Variants in CUBN observed in about 807,000 individuals in gnomAD.
The protein encoded by CUBN is cubilin, also known as 460 kDa receptor.
A neutral mutation model predicts 405.3 loss-of-function variants in CUBN; 282 were observed. That is an observed-to-expected ratio of 0.70 (90% CI 0.63 to 0.77). The LOEUF (loss-of-function observed/expected upper bound fraction) is 0.77, where lower values mean the gene tolerates loss of function less well. Ranked by LOEUF, CUBN falls within the 30% of genes least tolerant of loss-of-function variation. CUBN has a pLI of 0.00. For missense variants in CUBN, 4,514 were observed against 4,475.2 expected, an observed-to-expected ratio of 1.01 and a Z score of -0.25; for synonymous variants, 1,684 against 1,617.0, an observed-to-expected ratio of 1.04 and a Z score of -0.99.
chr10:17,013,141 A>T (rs1051858900), intron 28 of CUBN, among the ~76,000 whole-genome samples: 4 of 152,134 alleles, frequency 2.6e-5, no homozygotes, highest in Admixed American at 6.5e-5. Context: ...AATAGGGTAC[A>T]CTGTTTTTTC....
At chr10:16,987,031 G>A (rs748407887) in intron 29 of CUBN, among the ~76,000 whole-genome samples, 41 of 152,280 alleles carry the variant, frequency 2.7e-4, no homozygotes, top group Non-Finnish European at 4.0e-4. Context: ...TTGCAAGGCT[G>A]AGCTCACAAA....
chr10:16,848,514 T>G (rs1424756709), intron 60 of CUBN, among the ~76,000 whole-genome samples: 2 of 152,022 alleles, frequency 1.3e-5, no homozygotes, highest in Non-Finnish European at 2.9e-5. Flanking sequence ...AAAGAAAAAT[T>G]GACGAAATGA....
chr10:16,987,641 C>T (rs1185120730), intron 29 of CUBN, among the ~76,000 whole-genome samples: 1 of 152,178 alleles, frequency 6.6e-6, no homozygotes, highest in Non-Finnish European at 1.5e-5. Flanking sequence ...ACTACACTCA[C>T]ATGCAGGCTG....
At chr10:16,854,467 C>T (rs1839812304) in intron 59 of CUBN, among the ~76,000 whole-genome samples, 1 of 152,048 alleles carries the variant, frequency 6.6e-6, no homozygotes, top group African/African-American at 2.4e-5. Context: ...CAAGTCTGAT[C>T]TAAAAATTGA....
At chr10:17,111,291 G>A (rs1484061142) in intron 8 of CUBN, among the ~76,000 whole-genome samples, 1 of 152,114 alleles carries the variant, frequency 6.6e-6, no homozygotes, top group Non-Finnish European at 1.5e-5. Context: ...TAACCTATTT[G>A]GAAAGAGCTC....
intron 8 of CUBN, among the ~76,000 whole-genome samples, chr10:17,112,116 T>C (rs1308129014): frequency 1.3e-5 from 2 of 152,208 alleles, no homozygotes; most frequent in Non-Finnish European, 2.9e-5. Flanking sequence ...TTGTATTCAA[T>C]GGTTGTAGAT....
intron 60 of CUBN, among the ~76,000 whole-genome samples, chr10:16,848,985 T>A (rs890883617): frequency 2.0e-5 from 3 of 152,082 alleles, no homozygotes; most frequent in Admixed American, 2.0e-4. Context: ...ATTACAGACG[T>A]GAGTCACCGC....
intron 22 of CUBN, among the ~76,000 whole-genome samples, chr10:17,051,342 A>G (rs1835262797): frequency 6.6e-6 from 1 of 152,182 alleles, no homozygotes; most frequent in African/African-American, 2.4e-5. Context: ...GCCTGGCGAC[A>G]GAGTGAGAGT....
chr10:16,909,305 G>A (rs1176547238), intron 48 of CUBN, among the ~76,000 whole-genome samples: 1 of 152,130 alleles, frequency 6.6e-6, no homozygotes, highest in Non-Finnish European at 1.5e-5. Context: ...TTACTGAGCA[G>A]ACAAAAATGC....
intron 1 of CUBN, 152 bp from the exon 2 acceptor site, chr10:17,129,402 T>G (rs1837269752): frequency 2.9e-6 from 3 of 1,019,638 alleles, no homozygotes; most frequent in Non-Finnish European, 2.9e-6. Flanking sequence ...CTGCCACTTT[T>G]TTCTCTGCAC....
At chr10:17,082,001 G>A (rs1003754734) in intron 17 of CUBN, among the ~76,000 whole-genome samples, 1 of 151,876 alleles carries the variant, frequency 6.6e-6, no homozygotes, top group Non-Finnish European at 1.5e-5. Flanking sequence ...AGGGAAATTT[G>A]GTCAAGACTT....
At chr10:16,906,578 G>C (rs976929528) in intron 49 of CUBN, among the ~76,000 whole-genome samples, 169 bp from the exon 50 acceptor site, 16 of 152,186 alleles carry the variant, frequency 1.1e-4, no homozygotes, top group Admixed American at 2.0e-4. Context: ...GGAAGTTTCT[G>C]CAAGTTTATA....
chr10:17,044,951 T>G, intron 25 of CUBN, 56 bp downstream of exon 25: 2 of 1,491,100 alleles, frequency 1.3e-6, no homozygotes, highest in Non-Finnish European at 1.9e-6. Context: ...AATAAGTGCA[T>G]TGTGCGTTGG....
intron 28 of CUBN, among the ~76,000 whole-genome samples, chr10:16,992,255 G>C (rs1009381274): frequency 2.6e-5 from 4 of 152,118 alleles, no homozygotes; most frequent in African/African-American, 4.8e-5. Flanking sequence ...GTGGGGGAAG[G>C]GGGGAGGGAT....
chr10:17,085,965 ATTT>A lies in CUBN; in HGVS notation c.1948-209_1948-207del, dbSNP rs11284543. On this transcript the variant is annotated intron_variant, in intron 15 of 66. Transcript: ENST00000377833. ...ACCCCAATGCCTTCTCTCTGTCTGAATTTTTTTTTTTTTTTTTTTGAGATGGAG... is the reference window on the plus strand; with the variant it reads ...ACCCCAATGCCTTCTCTCTGTCTGAATTTTTTTTTTTTTTTTGAGATGGAG... Among the ~76,000 whole-genome samples, 9,672 of 132,534 alleles carry A rather than the reference ATTT, an allele frequency of 0.073. 335 individuals carry two copies. Among genetic ancestry groups the A allele is most frequent in the East Asian group, 0.1 (478 of 4,618 alleles). 86.9% of individuals were successfully genotyped at this position (132,534 alleles called of 152,430 possible). A position where few individuals can be genotyped will look rare whatever the true frequency, so the allele number is the denominator to read the frequency against.
At chr10:17,015,448 C>A (rs569593866) in intron 28 of CUBN, among the ~76,000 whole-genome samples, 9 of 152,278 alleles carry the variant, frequency 5.9e-5, no homozygotes, top group African/African-American at 2.2e-4. Context: ...CAAAGTCTCC[C>A]AATTACAACT....
chr10:16,921,268 C>T (rs1056886518), intron 43 of CUBN, among the ~76,000 whole-genome samples: 3 of 152,186 alleles, frequency 2.0e-5, no homozygotes, highest in African/African-American at 7.2e-5. Context: ...ATGAGAATCT[C>T]TTCCATTTGT....
chr10:16,837,924 T>C (rs1554780318), intron 62 of CUBN, among the ~76,000 whole-genome samples: 1 of 152,148 alleles, frequency 6.6e-6, no homozygotes, highest in Non-Finnish European at 1.5e-5. Context: ...GAAAGTGCCA[T>C]TCTGTGCCCC....
At chr10:17,051,244 C>T (rs1284166194) in intron 22 of CUBN, among the ~76,000 whole-genome samples, 1 of 151,854 alleles carries the variant, frequency 6.6e-6, no homozygotes, top group Admixed American at 6.6e-5. Flanking sequence ...GCCTGTAGTC[C>T]CAGCTACTCA....
Sources: allele counts gnomAD v4.1 joint callset (sites outside exome capture counted in the v4.1 genomes callset), GRCh38; gene constraint gnomAD v4.1.1; transcripts MANE v1.5; gene names NCBI Gene and HGNC (gene_info 2026-07-23, HGNC 2026-07-21).